The following CDHR1 variants were observed in gnomAD, a reference collection of about 807,000 sequenced individuals.
The protein encoded by CDHR1 is cadherin-related family member 1.
CDHR1 carries 61 observed loss-of-function variants against 72.1 expected under a neutral mutation model. The ratio of observed to expected loss-of-function variants is 0.85; its 90% CI spans 0.69 to 1.05. The LOEUF (loss-of-function observed/expected upper bound fraction) is 1.05, where lower values mean the gene tolerates loss of function less well. Ranked by LOEUF, CDHR1 falls within the 50% of genes least tolerant of loss-of-function variation. The probability of loss-of-function intolerance (pLI) is 0.00; values close to 1 mark genes in which losing one functional copy is unlikely to be tolerated. For missense variants in CDHR1, 1,186 were observed against 1,115.7 expected (o/e 1.06, Z -0.90); for synonymous variants, 470 against 448.1 (o/e 1.05, Z -0.62).
downstream of CDHR1, chr10:84,219,410 T>G (rs1460144544): frequency 4.3e-5 from 59 of 1,368,898 alleles, no homozygotes; most frequent in Middle Eastern, 2.5e-4. Context: ...TTGCTGCTCT[T>G]CCACAGCCCT....
chr10:84,209,247 A>T (rs1404555647), intron 12 of CDHR1, among the ~76,000 whole-genome samples: 1 of 152,256 alleles, frequency 6.6e-6, no homozygotes, highest in Non-Finnish European at 1.5e-5. Context: ...GAGGAAAAAA[A>T]TACTTCTGTG....
intron 15 of CDHR1, 141 bp from the exon 16 acceptor site, chr10:84,212,950 C>T: frequency 9.0e-7 from 1 of 1,110,372 alleles, no homozygotes; most frequent in Non-Finnish European, 1.4e-6. Flanking sequence ...CATTCTGTTC[C>T]TTTCCCAACT....
In CDHR1 at chr10:84,208,158, C is replaced by T. The variant is rs1188104190; in HGVS notation, c.964-16C>T. 2 of 1,612,822 alleles carry T rather than the reference C, an allele frequency of 1.2e-6. No individual in the cohort carries two copies. The highest frequency in any genetic ancestry group is 1.7e-6 in the Non-Finnish European group (2 of 1,178,922). On this transcript the variant is annotated splice_polypyrimidine_tract_variant and intron_variant, in intron 10 of 16. Coordinates refer to ENST00000623527, the MANE Select transcript of CDHR1 (RefSeq NM_033100.4). Reference sequence around the variant, plus strand: ...TCCACCTGCCACACAGCCATAGCCACTTGTCCCCATCCCAGGTGACTGAAA... The same window carrying T: ...TCCACCTGCCACACAGCCATAGCCATTTGTCCCCATCCCAGGTGACTGAAA...
In CDHR1 at chr10:84,204,563, G is replaced by A. The variant is rs1393889990; in HGVS notation, c.820G>A (p.Asp274Asn). Residue 274 changes from aspartate (D) to asparagine (N), a missense_variant, in exon 9 of 17, where the codon GAC (aspartate) becomes AAC (asparagine). By Grantham distance (23) the Asp-to-Asn change is conservative (BLOSUM62 1). Coordinates refer to ENST00000623527, the MANE Select transcript of CDHR1 (RefSeq NM_033100.4). ...EVLKVVAMDG[D>N]RGKPNRILYS... ...ACTGAAGGTGGTCGCCATGGATGGA[G>A]ACCGGGGCAAACCCAATCGAATTCT... 1 of 1,613,796 alleles carries A rather than the reference G, an allele frequency of 6.2e-7. No individual in the cohort carries two copies. The highest frequency in any genetic ancestry group is 1.3e-5 in the African/African-American group (1 of 74,896).
intron 1 of CDHR1, 134 bp from the exon 2 acceptor site, chr10:84,195,360 C>T: frequency 1.2e-6 from 1 of 827,374 alleles, no homozygotes; most frequent in African/African-American, 1.7e-5. Flanking sequence ...CCTCGGTGCA[C>T]TTGGGTTGGG....
chr10:84,209,639 C>CAAAAAAAAAAAAA (rs59316093), intron 12 of CDHR1, among the ~76,000 whole-genome samples: 1 of 125,312 alleles, frequency 8.0e-6, no homozygotes. Context: ...AGAGAAAAGA[C>CAAAAAAAAAAAAA]AAAAAAAAAA....
At chr10:84,212,499 T>A in intron 15 of CDHR1, 92 bp downstream of exon 15, 1 of 1,145,968 alleles carries the variant, frequency 8.7e-7, no homozygotes, top group Non-Finnish European at 1.3e-6. Context: ...GAAGATAAAA[T>A]TTTTTGGCTT....
In CDHR1 at chr10:84,215,589, G is replaced by A; in HGVS notation, c.*968G>A. On this transcript the variant is annotated 3_prime_UTR_variant, in exon 17 of 17. Transcript: ENST00000623527. ...ATCCTCTTCCTCATCTGTAAATGAA[G>A]AAAGTAGGCCCTGTCTACCTCACAT... 9.0e-6 allele frequency: 8 copies of A among 893,778 alleles called. No homozygotes were observed. The highest frequency in any genetic ancestry group is 1.1e-5 in the Non-Finnish European group (8 of 746,462). The allele number at this position is 893,778 out of a possible 1,614,324, so 55.4% of individuals were successfully genotyped here.
chr10:84,216,990 A>C lies in CDHR1; in HGVS notation c.*2369A>C, dbSNP rs1842436001. 3.0e-6 allele frequency: 3 copies of C among 985,514 alleles called. No homozygotes were observed. The highest frequency in any genetic ancestry group is 5.2e-4 in the Middle Eastern group (1 of 1,914). The allele number at this position is 985,514 out of a possible 1,614,324, so 61.0% of individuals were successfully genotyped here. ...CGGGACCGAGGGTGGTCTCTTGGAC[A>C]ACCCCAGGAACTTGGACCAAGGCAG... On this transcript the variant is annotated 3_prime_UTR_variant, in exon 17 of 17. Coordinates refer to ENST00000623527, the MANE Select transcript of CDHR1 (RefSeq NM_033100.4).
At chr10:84,210,426 C>T (rs538637244) in intron 12 of CDHR1, among the ~76,000 whole-genome samples, 5 of 151,928 alleles carry the variant, frequency 3.3e-5, no homozygotes, top group African/African-American at 4.8e-5. Flanking sequence ...TCATCACACC[C>T]GGCTAATTTT....
intron 9 of CDHR1, chr10:84,205,582 A>G: frequency 3.5e-6 from 2 of 579,110 alleles, no homozygotes; most frequent in Admixed American, 2.8e-5. Flanking sequence ...GCATAAGAAA[A>G]GGGACACAGT....
Position 84,215,793 on chromosome 10 carries a change from TA to T in CDHR1, c.*1173del, listed in dbSNP as rs1842416957. ...GCCCCAGCAGGCACTGTGCTGGGCT[TA>T]GGGGCTACCACTGGATGATGGCATT... is the stretch of plus-strand genomic sequence containing the variant. On this transcript the variant is annotated 3_prime_UTR_variant, in exon 17 of 17. Transcript: ENST00000623527. 1 of 985,410 alleles carries T rather than the reference TA, an allele frequency of 1.0e-6. No individual in the cohort carries two copies. The highest frequency in any genetic ancestry group is 1.7e-5 in the African/African-American group (1 of 57,228). The allele number at this position is 985,410 out of a possible 1,614,324, so 61.0% of individuals were successfully genotyped here.
At chr10:84,205,659 A>C (rs1842211307) in intron 9 of CDHR1, 168 bp from the exon 10 acceptor site, 1 of 676,614 alleles carries the variant, frequency 1.5e-6, no homozygotes, top group Admixed American at 2.1e-5. Flanking sequence ...GTAGCCTTAG[A>C]CAAGTTACTT....
chr10:84,212,434 C>T, intron 15 of CDHR1, 27 bp downstream of exon 15: 1 of 1,574,800 alleles, frequency 6.4e-7, no homozygotes, highest in Non-Finnish European at 8.7e-7. Context: ...GCTGAGCTCC[C>T]CTAAAAGCCT....
chr10:84,197,761 C>A (rs200333496), intron 3 of CDHR1, 25 bp from the exon 4 acceptor site: 1 of 1,611,762 alleles, frequency 6.2e-7, no homozygotes, highest in Non-Finnish European at 8.5e-7. Context: ...CTCCTGGACA[C>A]TCACTCAGTC....
chr10:84,207,657 G>A (rs1171634661), intron 10 of CDHR1, among the ~76,000 whole-genome samples: 1 of 152,140 alleles, frequency 6.6e-6, no homozygotes, highest in Non-Finnish European at 1.5e-5. Context: ...CAAACTTAGT[G>A]GCTTAAAACA....
chr10:84,197,763 C>G (rs1842053824), intron 3 of CDHR1, 23 bp from the exon 4 acceptor site: 2 of 1,612,040 alleles, frequency 1.2e-6, no homozygotes, highest in Non-Finnish European at 1.7e-6. Flanking sequence ...CCTGGACACT[C>G]ACTCAGTCCC....
chr10:84,210,594 A>T lies in CDHR1; in HGVS notation c.1321-407A>T, dbSNP rs190016936. Among the ~76,000 whole-genome samples the T allele has an allele frequency of 9.1e-3, 1,389 of 152,160 alleles. 6 individuals are homozygous for T. Among genetic ancestry groups the T allele is most frequent in the Non-Finnish European group, 0.015 (997 of 68,004 alleles). The stretch of plus-strand genomic sequence containing the variant: ...TTTTTTTGTTTGTTTTTATTTTTTT[A>T]AAAAAAGAATTTAATGCCCCCAATT... On this transcript the variant is annotated intron_variant, in intron 12 of 16. Coordinates refer to ENST00000623527, the MANE Select transcript of CDHR1 (RefSeq NM_033100.4).
Position 84,216,649 on chromosome 10 carries a change from C to T in CDHR1, c.*2028C>T, listed in dbSNP as rs1842430067. The stretch of plus-strand genomic sequence containing the variant: ...TTCAGCAGGTGGATCCATTCTTCGA[C>T]CCCCAGATGTGACTCTAAAGAAGGC... On this transcript the variant is annotated 3_prime_UTR_variant, in exon 17 of 17. Coordinates refer to ENST00000623527, the MANE Select transcript of CDHR1 (RefSeq NM_033100.4). 18 of 985,490 alleles carry T rather than the reference C, an allele frequency of 1.8e-5. No individual in the cohort carries two copies. Among genetic ancestry groups the T allele is most frequent in the Non-Finnish European group, 2.2e-5 (18 of 829,950 alleles). The allele number at this position is 985,490 out of a possible 1,614,324, so 61.0% of individuals were successfully genotyped here. A position where few individuals can be genotyped will look rare whatever the true frequency, so the allele number is the denominator to read the frequency against.
Sources: gnomAD v4.1 joint callset for allele counts (sites outside exome capture counted in the v4.1 genomes callset) on GRCh38, gnomAD v4.1.1 for gene constraint, MANE v1.5 for transcripts, NCBI Gene and HGNC (gene_info 2026-07-23, HGNC 2026-07-21) for gene names.